Variants in MAN1C1 observed in about 807,000 individuals in gnomAD.
MAN1C1 encodes the protein mannosidase alpha class 1C member 1.
In MAN1C1, 49 loss-of-function variants were observed where a neutral mutation model predicts 71.5. That is an observed-to-expected ratio of 0.69 (90% CI 0.54 to 0.87). The LOEUF (loss-of-function observed/expected upper bound fraction) is 0.87. Among genes scored for constraint, MAN1C1 ranks in the 40% least tolerant of loss-of-function variants. The pLI, the probability that MAN1C1 is intolerant of heterozygous loss-of-function variation, is 0.00. For missense variants in MAN1C1, 743 were observed against 835.0 expected, an observed-to-expected ratio of 0.89 and a Z score of 1.36; for synonymous variants, 352 against 343.7, an observed-to-expected ratio of 1.02 and a Z score of -0.27.
In MAN1C1 at chr1:25,671,043, A is replaced by AT. The variant is rs1557758252; in HGVS notation, c.541-15390dup. 2.6e-5 allele frequency among the ~76,000 whole-genome samples: 4 copies of AT among 152,074 alleles called. No homozygotes were observed. In the South Asian group the frequency reaches 8.3e-4, roughly 32 times the overall value. ...AGGTGCGTGCCACCATGCCCAGTTAATTTTTTTGTATTTTCAGTAGAGATG... is the reference window on the plus strand; with the variant it reads ...AGGTGCGTGCCACCATGCCCAGTTAATTTTTTTTGTATTTTCAGTAGAGATG... On this transcript the variant is annotated intron_variant, in intron 1 of 11. Transcript: ENST00000374332.
intron 1 of MAN1C1, among the ~76,000 whole-genome samples, chr1:25,662,569 C>T (rs2045864022): frequency 8.9e-6 from 1 of 112,390 alleles, no homozygotes; most frequent in African/African-American, 7.4e-5. Context: ...TGCACACATG[C>T]GCACACACAC....
At position 25,783,612 on chromosome 1, in the gene MAN1C1, C is replaced by T. The variant is rs1472265346; in HGVS notation, c.1767-51C>T. The T allele has an allele frequency of 3.8e-6, 6 of 1,594,958 alleles. No homozygotes were observed. The South Asian group carries it at 5.5e-5, about 15-fold the overall frequency. ...TTGTTCCCAGGCCCACCCTTCTTCC[C>T]CAGGCCACTGACAGACTGTGTCTTG... On this transcript the variant is annotated intron_variant, in intron 11 of 11. Transcript: ENST00000374332.
In MAN1C1 at chr1:25,764,917, A is replaced by T. The variant is rs1332768726; in HGVS notation, c.1141+950A>T. Among the ~76,000 whole-genome samples, 4 of 151,952 alleles carry T rather than the reference A, an allele frequency of 2.6e-5. No homozygotes were observed. Among genetic ancestry groups the T allele is most frequent in the Non-Finnish European group, 4.4e-5 (3 of 67,978 alleles). ...ACAAAAAGTAGCTGGGTGTGGTGGC[A>T]CGTGTCTCTAGTCCCAGCTACTCAG... On this transcript the variant is annotated intron_variant, in intron 7 of 11. Coordinates refer to ENST00000374332, the MANE Select transcript of MAN1C1 (RefSeq NM_020379.4). This position sits in a 1 kb window ranked among gnomAD's most constrained non-coding sequence, Gnocchi z 4.4.
chr1:25,774,404 A>T (rs1239290216), intron 8 of MAN1C1, among the ~76,000 whole-genome samples: 1 of 152,180 alleles, frequency 6.6e-6, no homozygotes, highest in Non-Finnish European at 1.5e-5. Flanking sequence ...CCCAAGGTCC[A>T]TATAGCAACA....
chr1:25,689,968 T>TA (rs1350379577), intron 2 of MAN1C1, among the ~76,000 whole-genome samples: 15 of 152,196 alleles, frequency 9.9e-5, no homozygotes, highest in Admixed American at 9.8e-4. Flanking sequence ...TGCTGAGATT[T>TA]ACAGGAGCTG....
intron 7 of MAN1C1, 53 bp from the exon 8 acceptor site, chr1:25,771,604 G>T: frequency 1.4e-6 from 2 of 1,431,894 alleles, no homozygotes; most frequent in South Asian, 2.3e-5. Context: ...GCCCTGCCCC[G>T]TGAGAGCCGG....
At chr1:25,719,053 T>C (rs1489130404) in intron 2 of MAN1C1, among the ~76,000 whole-genome samples, 1 of 133,282 alleles carries the variant, frequency 7.5e-6, no homozygotes, top group African/African-American at 3.0e-5. Flanking sequence ...TTCCAATGCT[T>C]ATTATTATTA....
At chr1:25,704,936 C>G (rs745735700) in intron 2 of MAN1C1, among the ~76,000 whole-genome samples, 2 of 152,224 alleles carry the variant, frequency 1.3e-5, no homozygotes, top group Non-Finnish European at 2.9e-5. Flanking sequence ...CTCCTCTCCT[C>G]CAATGCAAAG....
chr1:25,781,955 C>T (rs139319672), intron 10 of MAN1C1, among the ~76,000 whole-genome samples: 20 of 152,288 alleles, frequency 1.3e-4, no homozygotes, highest in Non-Finnish European at 2.4e-4. Context: ...TGGTGACGCA[C>T]GCCTATAGTC....
intron 2 of MAN1C1, among the ~76,000 whole-genome samples, chr1:25,715,661 A>C (rs1289257938): frequency 6.6e-6 from 1 of 152,178 alleles, no homozygotes; most frequent in Non-Finnish European, 1.5e-5. Context: ...CTATGTGCCA[A>C]GCCCTGGAAA....
rs556978146 is a variant in MAN1C1, at chr1:25,685,592, G to C, written c.541-848G>C. On this transcript the variant is annotated intron_variant, in intron 1 of 11. Coordinates refer to ENST00000374332, the MANE Select transcript of MAN1C1 (RefSeq NM_020379.4). ...GGCAGCTGGGGAGCAAGGTGCTGGC[G>C]TGACGCTCCTGAGAGCTGATGCAGC... Among the ~76,000 whole-genome samples, 7 of 152,356 alleles carry C rather than the reference G, an allele frequency of 4.6e-5. No homozygotes were observed. The South Asian group carries it at 1.0e-3, about 23-fold the overall frequency.
At chr1:25,733,986 A>G (rs1289883106) in intron 2 of MAN1C1, among the ~76,000 whole-genome samples, 1 of 151,734 alleles carries the variant, frequency 6.6e-6, no homozygotes, top group African/African-American at 2.4e-5. Flanking sequence ...TTTTTAGTAG[A>G]GATGGGGTTT....
chr1:25,751,091 C>T (rs923824640), intron 4 of MAN1C1, among the ~76,000 whole-genome samples: 9 of 150,946 alleles, frequency 6.0e-5, no homozygotes, highest in Admixed American at 4.0e-4. Context: ...TTCCATCCAT[C>T]TTTCCTTCCT....
intron 6 of MAN1C1, chr1:25,760,344 A>T (rs569981544): frequency 1.3e-5 from 2 of 152,318 alleles, no homozygotes; most frequent in East Asian, 3.9e-4. Context: ...CAAGCCCAGG[A>T]TGTGCTGGCT....
intron 1 of MAN1C1, among the ~76,000 whole-genome samples, chr1:25,657,748 C>T (rs965357921): frequency 6.6e-6 from 1 of 152,214 alleles, no homozygotes; most frequent in Non-Finnish European, 1.5e-5. Context: ...TTGTCATGCC[C>T]TGTTACCCAT....
In MAN1C1 at chr1:25,634,751, C is replaced by T. The variant is rs754107010; in HGVS notation, c.540+16414C>T. 1.3e-4 allele frequency among the ~76,000 whole-genome samples: 20 copies of T among 151,938 alleles called. No individual in the cohort carries two copies. The highest frequency in any genetic ancestry group is 2.9e-4 in the African/African-American group (12 of 41,426). On this transcript the variant is annotated intron_variant, in intron 1 of 11. Transcript: ENST00000374332. The surrounding 1 kb of genome is among the most constrained non-coding windows in gnomAD (Gnocchi z 4.6). ...ACGAGAATTGCTTGAACTAGGGAGG[C>T]GGAGGTTGCAGTAAGTCGAGATTGT...
intron 1 of MAN1C1, among the ~76,000 whole-genome samples, chr1:25,683,978 C>T (rs1231385786): frequency 2.6e-5 from 4 of 152,164 alleles, no homozygotes; most frequent in Admixed American, 6.5e-5. Flanking sequence ...ACTATGAAAA[C>T]GGGCCACGTT....
chr1:25,622,599 T>C (rs2045231046), intron 1 of MAN1C1, among the ~76,000 whole-genome samples: 1 of 152,156 alleles, frequency 6.6e-6, no homozygotes, highest in African/African-American at 2.4e-5. Context: ...CTTTTAGAAG[T>C]TGCAGCAATT....
chr1:25,731,631 G>C (rs544335810), intron 2 of MAN1C1, among the ~76,000 whole-genome samples: 2 of 152,254 alleles, frequency 1.3e-5, no homozygotes, highest in Admixed American at 1.3e-4. Context: ...TCTGTCTCAG[G>C]CTCCTTCCTC....
Sources: allele counts gnomAD v4.1 joint callset (sites outside exome capture counted in the v4.1 genomes callset), GRCh38; gene constraint gnomAD v4.1.1; non-coding constraint Gnocchi (gnomAD v3.1); transcripts MANE v1.5; gene names NCBI Gene and HGNC (gene_info 2026-07-23, HGNC 2026-07-21).